VPS13B: variants seen among roughly 807,000 people sequenced by gnomAD.
VPS13B encodes the protein vacuolar protein sorting 13 homolog B.
VPS13B carries 285 observed loss-of-function variants against 426.4 expected under a neutral mutation model. The observed-to-expected ratio is 0.67, with a 90% confidence interval of 0.61 to 0.74. VPS13B has a LOEUF of 0.74. Among genes scored for constraint, VPS13B ranks in the 30% least tolerant of loss-of-function variants. VPS13B has a pLI of 0.00. For synonymous variants in VPS13B, 1,676 were observed against 1,676.4 expected (o/e 1.00, Z 0.01); for missense variants, 4,537 against 4,782.6 (o/e 0.95, Z 1.51).
At chr8:99,680,457 A>G (rs193055339) in intron 35 of VPS13B, among the ~76,000 whole-genome samples, 3 of 152,324 alleles carry the variant, frequency 2.0e-5, no homozygotes, top group East Asian at 1.9e-4. Context: ...TAAAATAAGT[A>G]TAATTTATTT....
chr8:99,623,714 C>T (rs1026677231), intron 33 of VPS13B, among the ~76,000 whole-genome samples: 1 of 152,030 alleles, frequency 6.6e-6, no homozygotes, highest in Non-Finnish European at 1.5e-5. Context: ...ATAATTGAAG[C>T]CACTGGAAAG....
chr8:99,373,338 AAAAG>A (rs1383388547), intron 19 of VPS13B, among the ~76,000 whole-genome samples: 5 of 152,020 alleles, frequency 3.3e-5, no homozygotes, highest in Admixed American at 2.0e-4. Flanking sequence ...TAAAAAAAAA[AAAAG>A]AAAAAGAAGT....
intron 2 of VPS13B, 33 bp from the exon 3 acceptor site, chr8:99,038,386 CACTT>C: frequency 6.6e-7 from 1 of 1,511,510 alleles, no homozygotes; most frequent in Non-Finnish European, 9.0e-7. Context: ...AAATATTAAG[CACTT>C]ACTAATTTTT....
intron 33 of VPS13B, among the ~76,000 whole-genome samples, chr8:99,621,114 A>T (rs559518653): frequency 3.4e-4 from 51 of 152,142 alleles, no homozygotes; most frequent in Non-Finnish European, 6.9e-4. Context: ...TTAAAGATTG[A>T]GATTATTTCC....
chr8:99,071,224 C>T (rs1437571541), intron 3 of VPS13B, among the ~76,000 whole-genome samples: 6 of 152,056 alleles, frequency 3.9e-5, no homozygotes, highest in South Asian at 2.1e-4. Context: ...TGTTTGTATC[C>T]GTCCTTCTTG....
In VPS13B at chr8:99,720,974, G is replaced by A. The variant is rs61754113; in HGVS notation, c.6977G>A (p.Arg2326Gln). Residue 2326 changes from arginine (R) to glutamine (Q), a missense_variant, in exon 39 of 62, where the codon CGA (arginine) becomes CAA (glutamine). Physicochemically the swap from Arg to Gln is conservative, Grantham distance 43. Transcript: ENST00000357162. ...GAACCTAGAGTACTCACCCTTGTAC[G>A]AATAACTCCTGTACCTTTTAACACC... ...YPEPRVLTLV[R>Q]ITPVPFNTTE... The A allele has an allele frequency of 1.1e-3, 1,826 of 1,613,914 alleles. 19 individuals are homozygous for A. The African/African-American group carries it at 0.021, about 19-fold the overall frequency.
At chr8:99,429,122 GC>G (rs1416424822) in intron 21 of VPS13B, among the ~76,000 whole-genome samples, 1 of 152,064 alleles carries the variant, frequency 6.6e-6, no homozygotes, top group Non-Finnish European at 1.5e-5. Context: ...ACACACCGGG[GC>G]CTGTTGTGGG....
At position 99,870,896 on chromosome 8, in the gene VPS13B, AT is replaced by A. The variant is rs1817373076; in HGVS notation, c.11495+11del. 1.2e-6 allele frequency: 2 copies of A among 1,612,870 alleles called. No homozygotes were observed. Among genetic ancestry groups the A allele is most frequent in the Admixed American group, 3.3e-5 (2 of 60,004 alleles). ...CATGTCAAATATGTCTGGTAAAATT[AT>A]TGAGATACGTGCTCAACTTTACATC... On this transcript the variant is annotated intron_variant, in intron 60 of 61. Coordinates refer to ENST00000357162, the MANE Select transcript of VPS13B (RefSeq NM_152564.5).
chr8:99,769,351 A>G (rs190009940), intron 40 of VPS13B, among the ~76,000 whole-genome samples: 1 of 152,252 alleles, frequency 6.6e-6, no homozygotes, highest in Non-Finnish European at 1.5e-5. Flanking sequence ...TAGAAAGAAA[A>G]CAGTAATGAT....
chr8:99,163,945 G>A (rs924226242), intron 15 of VPS13B, among the ~76,000 whole-genome samples: 1 of 152,190 alleles, frequency 6.6e-6, no homozygotes. Context: ...AGGACTGCCA[G>A]CATGCTGTCA....
At chr8:99,061,910 T>C (rs1293274271) in intron 3 of VPS13B, among the ~76,000 whole-genome samples, 2 of 152,238 alleles carry the variant, frequency 1.3e-5, no homozygotes, top group Admixed American at 1.3e-4. Context: ...CAAGAGTGTT[T>C]GTTGTGTTTA....
intron 30 of VPS13B, among the ~76,000 whole-genome samples, chr8:99,550,824 C>G (rs1169453285): frequency 6.6e-6 from 1 of 151,974 alleles, no homozygotes; most frequent in Non-Finnish European, 1.5e-5. Context: ...TTTAAAATTT[C>G]TAAACATAAG....
At chr8:99,364,307 A>G (rs1412393881) in intron 19 of VPS13B, among the ~76,000 whole-genome samples, 1 of 152,170 alleles carries the variant, frequency 6.6e-6, no homozygotes, top group Non-Finnish European at 1.5e-5. Flanking sequence ...ACCCAGGATA[A>G]ATCCCACTTG....
chr8:99,763,634 G>A (rs1306914720), intron 39 of VPS13B, among the ~76,000 whole-genome samples: 3 of 152,188 alleles, frequency 2.0e-5, no homozygotes, highest in Admixed American at 6.5e-5. Flanking sequence ...ATGGATTGAT[G>A]TGAAGGATTT....
intron 33 of VPS13B, among the ~76,000 whole-genome samples, chr8:99,639,637 TAA>T (rs201370372): frequency 0.015 from 2,169 of 149,182 alleles, 26 homozygotes; most frequent in African/African-American, 0.032. Context: ...TATATATATA[TAA>T]GTTATTGCAT....
intron 53 of VPS13B, 73 bp from the exon 54 acceptor site, chr8:99,835,466 C>T: frequency 6.5e-7 from 1 of 1,539,966 alleles, no homozygotes; most frequent in Admixed American, 1.7e-5. Flanking sequence ...GTTTCTTTTG[C>T]CACATTATGT....
At chr8:99,473,223 T>C (rs1352884407) in intron 24 of VPS13B, among the ~76,000 whole-genome samples, 1 of 152,052 alleles carries the variant, frequency 6.6e-6, no homozygotes, top group Non-Finnish European at 1.5e-5. Flanking sequence ...TAGGTATTAA[T>C]ATCCCTCATG....
intron 34 of VPS13B, among the ~76,000 whole-genome samples, chr8:99,657,319 C>G (rs1830055302): frequency 6.6e-6 from 1 of 152,162 alleles, no homozygotes; most frequent in Admixed American, 6.5e-5. Flanking sequence ...AGGAGGGCAT[C>G]AAATACCCAC....
At chr8:99,056,390 G>T (rs961755157) in intron 3 of VPS13B, among the ~76,000 whole-genome samples, 2 of 152,118 alleles carry the variant, frequency 1.3e-5, no homozygotes, top group African/African-American at 4.8e-5. Context: ...CTGCACATTT[G>T]CCAGATTCGT....
Sources: allele counts gnomAD v4.1 joint callset (sites outside exome capture counted in the v4.1 genomes callset), GRCh38; gene constraint gnomAD v4.1.1; transcripts MANE v1.5; gene names NCBI Gene and HGNC (gene_info 2026-07-23, HGNC 2026-07-21).